ACVR1C: variants seen among roughly 807,000 people sequenced by gnomAD.
The protein encoded by ACVR1C is activin receptor type-1C.
ACVR1C carries 23 observed loss-of-function variants against 57.9 expected under a neutral mutation model. The ratio of observed to expected loss-of-function variants is 0.40; its 90% CI spans 0.29 to 0.56. The LOEUF is 0.56. Ranked by LOEUF, ACVR1C falls within the 20% of genes least tolerant of loss-of-function variation. ACVR1C has a pLI of 0.50. For synonymous variants in ACVR1C, 214 were observed against 215.3 expected, an observed-to-expected ratio of 0.99 and a Z score of 0.05; for missense variants, 480 against 607.9, an observed-to-expected ratio of 0.79 and a Z score of 2.21.
At chr2:157,555,539 GT>G (rs1402738347) in intron 3 of ACVR1C, among the ~76,000 whole-genome samples, 1 of 152,178 alleles carries the variant, frequency 6.6e-6, no homozygotes, top group Admixed American at 6.5e-5. Context: ...TTAATCTTCT[GT>G]TTCTTTGCTT....
At chr2:157,578,054 C>T (rs1216297181) in intron 2 of ACVR1C, among the ~76,000 whole-genome samples, 1 of 152,068 alleles carries the variant, frequency 6.6e-6, no homozygotes, top group East Asian at 1.9e-4. Flanking sequence ...AGGCACATGC[C>T]ACCGTGCCTG....
At chr2:157,623,422 C>G (rs1682828843) in intron 1 of ACVR1C, among the ~76,000 whole-genome samples, 1 of 152,008 alleles carries the variant, frequency 6.6e-6, no homozygotes. Flanking sequence ...TACTATTCAG[C>G]CATAAAAAAG....
intron 3 of ACVR1C, among the ~76,000 whole-genome samples, chr2:157,551,866 C>G (rs1251459689): frequency 1.3e-5 from 2 of 152,140 alleles, no homozygotes; most frequent in Non-Finnish European, 2.9e-5. Context: ...TAAGCACAGG[C>G]TAAATAAGCA....
In ACVR1C at chr2:157,562,535, C is replaced by G. The variant is rs1688266900; in HGVS notation, c.305-6203G>C. On this transcript the variant is annotated intron_variant, in intron 2 of 8. Coordinates refer to ENST00000243349, the MANE Select transcript of ACVR1C (RefSeq NM_145259.3). ...AAAATAAAATAAAAAAGCCCAGGAC[C>G]AGACGTACAGAGAGGAGCTGGTACC... Among the ~76,000 whole-genome samples the G allele has an allele frequency of 2.7e-5, 4 of 150,112 alleles. No homozygotes were observed. In the South Asian group the frequency reaches 8.5e-4, roughly 32 times the overall value.
chr2:157,588,864 T>TAC (rs1401676695), intron 1 of ACVR1C, among the ~76,000 whole-genome samples: 1 of 140,536 alleles, frequency 7.1e-6, no homozygotes, highest in Admixed American at 7.1e-5. Context: ...TATATATATA[T>TAC]ATATATATAT....
chr2:157,577,581 C>T (rs568752102), intron 2 of ACVR1C, among the ~76,000 whole-genome samples: 3 of 152,178 alleles, frequency 2.0e-5, no homozygotes, highest in Non-Finnish European at 4.4e-5. Context: ...TAAACTAACA[C>T]TTTTGTTTGT....
At chr2:157,554,256 A>AAAGG (rs1688015283) in intron 3 of ACVR1C, among the ~76,000 whole-genome samples, 1 of 130,428 alleles carries the variant, frequency 7.7e-6, no homozygotes, top group Non-Finnish European at 1.6e-5. Flanking sequence ...AGAAAGAAAG[A>AAAGG]AAGAAAGAAA....
chr2:157,594,953 C>T (rs1396359012), intron 1 of ACVR1C, among the ~76,000 whole-genome samples: 1 of 152,152 alleles, frequency 6.6e-6, no homozygotes, highest in African/African-American at 2.4e-5. Context: ...TGTCATAAAG[C>T]TTTTAGTGCA....
intron 2 of ACVR1C, among the ~76,000 whole-genome samples, chr2:157,556,748 C>T (rs1285428394): frequency 6.7e-6 from 1 of 149,870 alleles, no homozygotes; most frequent in African/African-American, 2.5e-5. Context: ...ACTGTAACCT[C>T]CACCTCCTAG....
At chr2:157,583,786 A>G (rs527246814) in intron 2 of ACVR1C, among the ~76,000 whole-genome samples, 1 of 149,796 alleles carries the variant, frequency 6.7e-6, no homozygotes, top group South Asian at 2.1e-4. Flanking sequence ...TCAATAAATG[A>G]TGCTAGAAGA....
chr2:157,568,013 A>T (rs1483130586), intron 2 of ACVR1C, among the ~76,000 whole-genome samples: 3 of 148,330 alleles, frequency 2.0e-5, no homozygotes, highest in African/African-American at 7.4e-5. Context: ...CTAACAGCGG[A>T]TCTCTCGGCA....
chr2:157,581,515 T>A (rs1688791028), intron 2 of ACVR1C, among the ~76,000 whole-genome samples: 1 of 151,820 alleles, frequency 6.6e-6, no homozygotes, highest in Non-Finnish European at 1.5e-5. Flanking sequence ...TGAGCTCTAG[T>A]CAGGAGAAAA....
At position 157,554,268 on chromosome 2, in the gene ACVR1C, A is replaced by AAAGAAAGG. The variant is rs1261113225; in HGVS notation, c.544+1824_544+1825insCCTTTCTT. Among the ~76,000 whole-genome samples the AAAGAAAGG allele has an allele frequency of 2.4e-3, 274 of 113,460 alleles. 1 individual carries two copies. Among genetic ancestry groups the AAAGAAAGG allele is most frequent in the Middle Eastern group, 4.6e-3 (1 of 218 alleles). The allele number at this position is 113,460 out of a possible 152,430, so 74.4% of individuals were successfully genotyped here. On this transcript the variant is annotated intron_variant, in intron 3 of 8. Coordinates refer to ENST00000243349, the MANE Select transcript of ACVR1C (RefSeq NM_145259.3). ...GAAAGAAAGAAAGAAAGAAAGAAAG[A>AAAGAAAGG]AAGGAAGGAAGGAAGAGAGAGAGAG...
At chr2:157,534,137 A>C in intron 8 of ACVR1C, 94 bp from the exon 9 acceptor site, 1 of 1,184,474 alleles carries the variant, frequency 8.4e-7, no homozygotes, top group Non-Finnish European at 1.1e-6. Context: ...AATTGATGCT[A>C]AGCTTTTTTT....
intron 1 of ACVR1C, among the ~76,000 whole-genome samples, chr2:157,591,309 A>C (rs1223067452): frequency 6.6e-6 from 1 of 151,988 alleles, no homozygotes; most frequent in African/African-American, 2.4e-5. Flanking sequence ...GGAAAAGACA[A>C]AGGTCTCAGC....
At chr2:157,558,899 A>G (rs1034424208) in intron 2 of ACVR1C, among the ~76,000 whole-genome samples, 4 of 152,246 alleles carry the variant, frequency 2.6e-5, no homozygotes, top group African/African-American at 9.6e-5. Flanking sequence ...TTTCTAAAAA[A>G]GCCACAGAAT....
chr2:157,538,474 A>G (rs753714898), intron 8 of ACVR1C, 99 bp downstream of exon 8: 2 of 1,164,902 alleles, frequency 1.7e-6, no homozygotes, highest in Non-Finnish European at 2.3e-6. Flanking sequence ...GTCTACATAT[A>G]TGGAATGAAT....
In ACVR1C at chr2:157,552,741, C is replaced by A. The variant is rs766855113; in HGVS notation, c.545-2349G>T. ...ACAATATATAAAGTACTCGAGACAG[C>A]AATTAAATTGAGACATTAAAACTCA... On this transcript the variant is annotated intron_variant, in intron 3 of 8. Transcript: ENST00000243349. 4.3e-4 allele frequency among the ~76,000 whole-genome samples: 66 copies of A among 152,262 alleles called. 1 individual carries two copies. The highest frequency in any genetic ancestry group is 3.4e-3 in the Middle Eastern group (1 of 294).
chr2:157,590,600 T>G (rs1257014934), intron 1 of ACVR1C, among the ~76,000 whole-genome samples: 1 of 151,972 alleles, frequency 6.6e-6, no homozygotes, highest in African/African-American at 2.4e-5. Context: ...ACAGCTCACT[T>G]TCCTATTTAT....
Sources: allele counts gnomAD v4.1 joint callset (sites outside exome capture counted in the v4.1 genomes callset), GRCh38; gene constraint gnomAD v4.1.1; transcripts MANE v1.5; gene names NCBI Gene and HGNC (gene_info 2026-07-23, HGNC 2026-07-21).